The following FSTL4 variants were observed in gnomAD, a reference collection of about 807,000 sequenced individuals.
FSTL4 encodes follistatin like 4.
In FSTL4, 28 loss-of-function variants were observed where a neutral mutation model predicts 78.2. That is an observed-to-expected ratio of 0.36 (90% CI 0.27 to 0.49). FSTL4 has a LOEUF of 0.49. FSTL4 is among the 20% of genes least tolerant of loss of function. The pLI, the probability that FSTL4 is intolerant of heterozygous loss-of-function variation, is 0.98. For missense variants in FSTL4, 922 were observed against 1,084.9 expected (o/e 0.85, Z 2.11); for synonymous variants, 422 against 440.5 (o/e 0.96, Z 0.53).
chr5:133,795,172 C>A, the FSTL4 span, among the ~76,000 whole-genome samples: 2 of 152,204 alleles, frequency 1.3e-5, no homozygotes, highest in East Asian at 1.9e-4. Context: ...CCCAGGTGAG[C>A]TTTATTTGGC....
At chr5:133,518,484 G>A (rs537906868) in intron 3 of FSTL4, among the ~76,000 whole-genome samples, 1 of 152,318 alleles carries the variant, frequency 6.6e-6, no homozygotes, top group South Asian at 2.1e-4. Context: ...TTAGCACCCA[G>A]CAAAGGACAG....
In FSTL4 at chr5:133,199,081, C is replaced by T; in HGVS notation, c.*14G>A. On this transcript the variant is annotated 3_prime_UTR_variant, in exon 16 of 16. Transcript: ENST00000265342. The surrounding 1 kb of genome is among the most constrained non-coding windows in gnomAD (Gnocchi z 4.4). Reference sequence around the variant, plus strand: ...AGGGGGTGTTCCTTGGCCCAGGGCTCTGCTCTGGGCCCTTCATACCTCACC... The same window carrying T: ...AGGGGGTGTTCCTTGGCCCAGGGCTTTGCTCTGGGCCCTTCATACCTCACC... 1 of 1,459,668 alleles carries T rather than the reference C, an allele frequency of 6.9e-7. No individual in the cohort carries two copies. The highest frequency in any genetic ancestry group is 9.2e-7 in the Non-Finnish European group (1 of 1,082,372). 90.4% of individuals were successfully genotyped at this position (1,459,668 alleles called of 1,614,324 possible).
chr5:133,214,877 T>A (rs570137808), intron 13 of FSTL4, among the ~76,000 whole-genome samples: 50 of 152,218 alleles, frequency 3.3e-4, no homozygotes, highest in African/African-American at 1.1e-3. Context: ...TCACCTACTT[T>A]AAAAAGTTCT....
At chr5:133,635,436 A>T in the FSTL4 span, among the ~76,000 whole-genome samples, 8 of 152,372 alleles carry the variant, frequency 5.3e-5, no homozygotes, top group African/African-American at 1.9e-4. Flanking sequence ...TATATGGGAA[A>T]GTACGTGGAC....
the FSTL4 span, among the ~76,000 whole-genome samples, chr5:133,735,892 T>C: frequency 6.6e-6 from 1 of 152,190 alleles, no homozygotes; most frequent in Non-Finnish European, 1.5e-5. Flanking sequence ...GGTAGAGTCG[T>C]GAAAACTAGG....
At chr5:133,402,991 C>A (rs1003402038) in intron 3 of FSTL4, among the ~76,000 whole-genome samples, 1 of 152,190 alleles carries the variant, frequency 6.6e-6, no homozygotes, top group Admixed American at 6.5e-5. Context: ...GGGCTGGAGG[C>A]CCCCCACTCA....
At chr5:133,498,444 C>G (rs551263079) in intron 3 of FSTL4, among the ~76,000 whole-genome samples, 7 of 152,174 alleles carry the variant, frequency 4.6e-5, no homozygotes, top group African/African-American at 1.7e-4. Context: ...ATCAGCCAGG[C>G]ATGATGTCTC....
the FSTL4 span, among the ~76,000 whole-genome samples, chr5:133,778,884 G>A: frequency 6.6e-6 from 1 of 152,212 alleles, no homozygotes; most frequent in African/African-American, 2.4e-5. Context: ...GCTGGGCACA[G>A]CCTGGCAGCA....
At chr5:133,398,040 T>G (rs1212061843) in intron 4 of FSTL4, among the ~76,000 whole-genome samples, 1 of 152,124 alleles carries the variant, frequency 6.6e-6, no homozygotes, top group African/African-American at 2.4e-5. Flanking sequence ...TCCTCCTTTG[T>G]TCCAGGACCC....
chr5:133,757,317 T>G, the FSTL4 span, among the ~76,000 whole-genome samples: 1 of 152,224 alleles, frequency 6.6e-6, no homozygotes. Flanking sequence ...TCAATGAATA[T>G]TTTACTTTTT....
At chr5:133,781,101 G>T in the FSTL4 span, among the ~76,000 whole-genome samples, 1,622 of 152,220 alleles carry the variant, frequency 0.011, 31 homozygotes, top group African/African-American at 0.037. Flanking sequence ...GCATGCTCTT[G>T]GCCCTCTGCA....
At chr5:133,596,282 A>C (rs1374306722) in intron 2 of FSTL4, among the ~76,000 whole-genome samples, 2 of 152,172 alleles carry the variant, frequency 1.3e-5, no homozygotes, top group Non-Finnish European at 2.9e-5. Flanking sequence ...CTGGGGCTGA[A>C]GCGTGGGTTG....
intron 4 of FSTL4, among the ~76,000 whole-genome samples, chr5:133,366,653 A>G (rs749902471): frequency 1.3e-5 from 2 of 151,848 alleles, no homozygotes; most frequent in Non-Finnish European, 2.9e-5. Flanking sequence ...ACTCAAGCAC[A>G]CCCTCTGGTG....
chr5:133,526,656 C>T lies in FSTL4; in HGVS notation c.160+40530G>A, dbSNP rs554763524. 3.3e-5 allele frequency among the ~76,000 whole-genome samples: 5 copies of T among 152,180 alleles called. No individual in the cohort carries two copies. In the South Asian group the frequency reaches 6.2e-4, roughly 19 times the overall value. ...GTGGTGAGAAGATAACATTTGCGGACGAGTTGTGAAGTGGCGCTATGCAGG... is the reference window on the plus strand; with the variant it reads ...GTGGTGAGAAGATAACATTTGCGGATGAGTTGTGAAGTGGCGCTATGCAGG... On this transcript the variant is annotated intron_variant, in intron 3 of 15. Transcript: ENST00000265342.
intron 8 of FSTL4, among the ~76,000 whole-genome samples, chr5:133,227,820 G>A (rs758864287): frequency 7.2e-5 from 11 of 152,182 alleles, no homozygotes; most frequent in Admixed American, 2.0e-4. Flanking sequence ...TTCCTGGGAT[G>A]TTTGATCAAT....
intron 7 of FSTL4, 79 bp downstream of exon 7, chr5:133,249,331 C>A (rs780513604): frequency 2.7e-6 from 3 of 1,120,600 alleles, no homozygotes; most frequent in Non-Finnish European, 4.1e-6. Flanking sequence ...TCCCGTCCTG[C>A]CACTGTCTGT....
the FSTL4 span, among the ~76,000 whole-genome samples, chr5:133,772,567 G>T: frequency 2.6e-5 from 4 of 152,158 alleles, no homozygotes; most frequent in African/African-American, 9.7e-5. Flanking sequence ...CAGCTCTGGA[G>T]GCTGGGAAGT....
chr5:133,535,543 A>G (rs1023993137), intron 3 of FSTL4, among the ~76,000 whole-genome samples: 1 of 152,252 alleles, frequency 6.6e-6, no homozygotes, highest in African/African-American at 2.4e-5. Flanking sequence ...TAACATCTAT[A>G]GAAACCATGC....
intron 11 of FSTL4, 152 bp downstream of exon 11, chr5:133,224,038 A>G: frequency 3.6e-6 from 2 of 562,074 alleles, no homozygotes; most frequent in Non-Finnish European, 6.4e-6. Flanking sequence ...AATTTGATTC[A>G]ATGCATATGC....
Sources: gnomAD v4.1 joint callset for allele counts (sites outside exome capture counted in the v4.1 genomes callset) on GRCh38, gnomAD v4.1.1 for gene constraint, Gnocchi (gnomAD v3.1) non-coding constraint, MANE v1.5 for transcripts, NCBI Gene and HGNC (gene_info 2026-07-23, HGNC 2026-07-21) for gene names.